NEGR1: variants seen among roughly 807,000 people sequenced by gnomAD.
NEGR1 encodes IgLON family member 4.
Under a neutral mutation model 40.9 loss-of-function variants are expected in NEGR1, and 10 were observed. That is an observed-to-expected ratio of 0.24 (90% CI 0.15 to 0.42). The LOEUF (loss-of-function observed/expected upper bound fraction) is 0.42. Among genes scored for constraint, NEGR1 ranks in the 10% least tolerant of loss-of-function variants. The pLI, the probability that NEGR1 is intolerant of heterozygous loss-of-function variation, is 1.00. For synonymous variants in NEGR1, 185 were observed against 166.8 expected, an observed-to-expected ratio of 1.11 and a Z score of -0.84; for missense variants, 352 against 438.9, an observed-to-expected ratio of 0.80 and a Z score of 1.77.
chr1:71,977,669 A>T (rs1646317512), intron 1 of NEGR1, among the ~76,000 whole-genome samples: 1 of 151,904 alleles, frequency 6.6e-6, no homozygotes, highest in South Asian at 2.1e-4. Context: ...ACCAGCTTGC[A>T]TACTTTTACT....
intron 2 of NEGR1, among the ~76,000 whole-genome samples, chr1:71,888,667 C>T (rs1325443059): frequency 8.4e-6 from 1 of 119,450 alleles, no homozygotes; most frequent in Admixed American, 8.6e-5. Flanking sequence ...CCCAGGCTTG[C>T]TTAGGTAAAC....
chr1:72,273,666 T>C (rs934546188), intron 1 of NEGR1, among the ~76,000 whole-genome samples: 2 of 151,962 alleles, frequency 1.3e-5, no homozygotes, highest in Non-Finnish European at 2.9e-5. Context: ...AAATGCCTTA[T>C]ATTTTAGTAC....
chr1:71,947,095 C>T (rs879434169), intron 1 of NEGR1, among the ~76,000 whole-genome samples: 6,360 of 104,168 alleles, frequency 0.061, 342 homozygotes, highest in Admixed American at 0.2. Context: ...CTCATACACA[C>T]ACACACACAC....
At chr1:71,515,753 T>C (rs1647118236) in intron 6 of NEGR1, among the ~76,000 whole-genome samples, 1 of 138,378 alleles carries the variant, frequency 7.2e-6, no homozygotes, top group Non-Finnish European at 1.5e-5. Context: ...GTGGACTAAA[T>C]GCTCCAATTA....
At chr1:71,992,652 A>G (rs948350988) in intron 1 of NEGR1, among the ~76,000 whole-genome samples, 1 of 119,300 alleles carries the variant, frequency 8.4e-6, no homozygotes, top group Non-Finnish European at 1.9e-5. Flanking sequence ...GTTATAGTAC[A>G]GTTCAATTCA....
chr1:72,183,092 C>T (rs1311086907), intron 1 of NEGR1, among the ~76,000 whole-genome samples: 2 of 151,998 alleles, frequency 1.3e-5, no homozygotes, highest in Non-Finnish European at 2.9e-5. Flanking sequence ...TCCTCCAGTA[C>T]ATTGACTTAA....
chr1:72,114,103 A>G (rs1649489731), intron 1 of NEGR1, among the ~76,000 whole-genome samples: 2 of 151,810 alleles, frequency 1.3e-5, no homozygotes. Flanking sequence ...GTATGTGTTA[A>G]CTTAGCCGGG....
intron 1 of NEGR1, among the ~76,000 whole-genome samples, chr1:72,049,763 C>A (rs1443655596): frequency 6.6e-6 from 1 of 151,604 alleles, no homozygotes; most frequent in South Asian, 2.1e-4. Flanking sequence ...CTTTGTATCC[C>A]AATTTTTGGC....
chr1:71,922,288 T>G (rs1645727646), intron 2 of NEGR1, among the ~76,000 whole-genome samples: 1 of 152,118 alleles, frequency 6.6e-6, no homozygotes, highest in African/African-American at 2.4e-5. Flanking sequence ...ATCACTCTCT[T>G]GCCAGTATCT....
intron 4 of NEGR1, among the ~76,000 whole-genome samples, chr1:71,680,810 C>T (rs1652814837): frequency 6.6e-6 from 1 of 152,110 alleles, no homozygotes; most frequent in Non-Finnish European, 1.5e-5. Flanking sequence ...CATTTATTTG[C>T]CAATATATTG....
At chr1:71,880,149 T>C (rs1172527216) in intron 2 of NEGR1, among the ~76,000 whole-genome samples, 1 of 152,082 alleles carries the variant, frequency 6.6e-6, no homozygotes, top group African/African-American at 2.4e-5. Context: ...TAAGGCCTTA[T>C]ATTTCAAAAT....
intron 1 of NEGR1, among the ~76,000 whole-genome samples, chr1:72,090,710 C>T (rs973526): frequency 0.52 from 78,306 of 151,762 alleles, 20,469 homozygotes; most frequent in African/African-American, 0.6. Flanking sequence ...AAAATTAAAA[C>T]GAGCACAGTC....
At chr1:71,794,553 AC>A (rs1341798555) in intron 2 of NEGR1, 2 of 152,154 alleles carry the variant, frequency 1.3e-5, no homozygotes, top group African/African-American at 2.4e-5. Context: ...GGAAAAAAAA[AC>A]AATACAAATG....
At chr1:72,043,360 G>C (rs1435602119) in intron 1 of NEGR1, among the ~76,000 whole-genome samples, 1 of 151,420 alleles carries the variant, frequency 6.6e-6, no homozygotes, top group East Asian at 1.9e-4. Flanking sequence ...TTTCCCACCT[G>C]GGTCCTGACT....
Position 71,398,353 on chromosome 1 carries a change from A to T in NEGR1, c.*9093T>A, listed in dbSNP as rs1646225327. 1 of 153,690 alleles carries T rather than the reference A, an allele frequency of 6.5e-6. No homozygotes were observed. The highest frequency in any genetic ancestry group is 2.4e-5 in the African/African-American group (1 of 41,504). 9.5% of individuals were successfully genotyped at this position (153,690 alleles called of 1,614,324 possible). ...AGCCAGGAGGAGGGCTATACCCTGC[A>T]AAGCTGCAGAGGCGGAGCTGCCTAA... On this transcript the variant is annotated 3_prime_UTR_variant, in exon 7 of 7. Transcript: ENST00000357731.
chr1:71,790,955 G>A (rs576939656), intron 2 of NEGR1, among the ~76,000 whole-genome samples: 33 of 152,124 alleles, frequency 2.2e-4, no homozygotes, highest in Non-Finnish European at 3.4e-4. Context: ...CGGGACTGGC[G>A]ATAGGACTGG....
At chr1:71,411,833 C>G (rs1212722732) in intron 6 of NEGR1, among the ~76,000 whole-genome samples, 3 of 152,032 alleles carry the variant, frequency 2.0e-5, no homozygotes, top group Admixed American at 2.0e-4. Flanking sequence ...AACCCCGCCT[C>G]TACTAAAAAT....
intron 1 of NEGR1, among the ~76,000 whole-genome samples, chr1:72,231,338 G>A (rs1391719884): frequency 6.6e-6 from 1 of 151,922 alleles, no homozygotes; most frequent in African/African-American, 2.4e-5. Flanking sequence ...TGATTAAGAG[G>A]ACAAACTCTG....
At chr1:72,127,214 C>G (rs774025061) in intron 1 of NEGR1, among the ~76,000 whole-genome samples, 2 of 152,096 alleles carry the variant, frequency 1.3e-5, no homozygotes, top group South Asian at 2.1e-4. Flanking sequence ...CCCGTAATCC[C>G]GGTACTTTGG....
Sources: allele counts gnomAD v4.1 joint callset (sites outside exome capture counted in the v4.1 genomes callset), GRCh38; gene constraint gnomAD v4.1.1; transcripts MANE v1.5; gene names NCBI Gene and HGNC (gene_info 2026-07-23, HGNC 2026-07-21).